RETREG1: variants seen among roughly 807,000 people sequenced by gnomAD.
RETREG1 encodes reticulophagy regulator 1, also known as family with sequence similarity 134 member B.
In RETREG1, 44 loss-of-function variants were observed where a neutral mutation model predicts 54.8. The observed-to-expected ratio is 0.80, with a 90% CI of 0.63 to 1.03. The LOEUF (loss-of-function observed/expected upper bound fraction) is 1.03. RETREG1 is among the 50% of genes least tolerant of loss of function. The probability of loss-of-function intolerance (pLI) is 0.00; values close to 1 mark genes in which losing one functional copy is unlikely to be tolerated. For missense variants in RETREG1, 554 were observed against 605.1 expected (o/e 0.92, Z 0.89); for synonymous variants, 217 against 238.5 (o/e 0.91, Z 0.83).
At chr5:16,551,645 A>G (rs193114889) in intron 3 of RETREG1, among the ~76,000 whole-genome samples, 8 of 152,318 alleles carry the variant, frequency 5.3e-5, no homozygotes, top group Admixed American at 5.2e-4. Context: ...TCATAGATGG[A>G]GACATGAGTT....
rs1251479098 is a variant in RETREG1 at position 16,477,576 on chromosome 5, G to C, written c.1000+86C>G. 4 of 1,271,488 alleles carry C rather than the reference G, an allele frequency of 3.1e-6. No individual in the cohort carries two copies. In the East Asian group the frequency reaches 9.3e-5, roughly 30 times the overall value. The allele number at this position is 1,271,488 out of a possible 1,614,324, so 78.8% of individuals were successfully genotyped here. On this transcript the variant is annotated intron_variant, in intron 8 of 8. Coordinates refer to ENST00000306320, the MANE Select transcript of RETREG1 (RefSeq NM_001034850.3). ...TACTGTGTAGATATGGTGGTAACAT[G>C]TTATTTACCCATTCAGTATTTGACA...
At chr5:16,573,608 C>G (rs530920179) in intron 1 of RETREG1, among the ~76,000 whole-genome samples, 2 of 152,186 alleles carry the variant, frequency 1.3e-5, no homozygotes, top group African/African-American at 4.8e-5. Flanking sequence ...AAGTCCAAGG[C>G]AGGCAAGGCT....
At chr5:16,608,737 C>T (rs1743262883) in intron 1 of RETREG1, among the ~76,000 whole-genome samples, 1 of 152,110 alleles carries the variant, frequency 6.6e-6, no homozygotes, top group African/African-American at 2.4e-5. Flanking sequence ...TCACAGGTAC[C>T]GACTACTCAG....
intron 1 of RETREG1, among the ~76,000 whole-genome samples, chr5:16,599,230 AT>A (rs1417532281): frequency 1.3e-5 from 2 of 152,076 alleles, no homozygotes; most frequent in East Asian, 3.9e-4. Flanking sequence ...AAATAAGTAA[AT>A]TTTTTACAAA....
At position 16,616,980 on chromosome 5, in the gene RETREG1, G is replaced by C; in HGVS notation, c.-9C>G. The C allele has an allele frequency of 2.2e-6, 3 of 1,393,520 alleles. No individual in the cohort carries two copies. The highest frequency in any genetic ancestry group is 2.8e-6 in the Non-Finnish European group (3 of 1,076,148). The allele number at this position is 1,393,520 out of a possible 1,614,324, so 86.3% of individuals were successfully genotyped here. A position where few individuals can be genotyped will look rare whatever the true frequency, so the allele number is the denominator to read the frequency against. On this transcript the variant is annotated 5_prime_UTR_variant, in exon 1 of 9. Transcript: ENST00000306320. ...GGCGCCGGGCTCGCCATCTTCAGCT[G>C]TGCTTCCAGACAGGGACGGGGCCGG...
chr5:16,603,749 CCACAT>C (rs1179373058), intron 1 of RETREG1, among the ~76,000 whole-genome samples: 3 of 151,936 alleles, frequency 2.0e-5, no homozygotes, highest in Non-Finnish European at 4.4e-5. Flanking sequence ...GGATCGCATC[CCACAT>C]CACATATTTC....
intron 3 of RETREG1, among the ~76,000 whole-genome samples, chr5:16,499,650 C>A (rs998266706): frequency 6.6e-6 from 1 of 152,190 alleles, no homozygotes; most frequent in African/African-American, 2.4e-5. Flanking sequence ...GCTAGCAAGG[C>A]GGCCATTCCT....
At chr5:16,539,979 G>A (rs1741193804) in intron 3 of RETREG1, among the ~76,000 whole-genome samples, 1 of 152,192 alleles carries the variant, frequency 6.6e-6, no homozygotes, top group South Asian at 2.1e-4. Flanking sequence ...GGATGCGCAT[G>A]TTAAAATAAT....
intron 1 of RETREG1, among the ~76,000 whole-genome samples, chr5:16,595,236 T>C (rs1000912443): frequency 1.3e-5 from 2 of 152,182 alleles, no homozygotes; most frequent in African/African-American, 4.8e-5. Context: ...TAGTCCTTGT[T>C]TTTATATTTT....
chr5:16,616,979 T>C lies in RETREG1; in HGVS notation c.-8A>G, dbSNP rs1354120976. The C allele has an allele frequency of 1.4e-6, 2 of 1,398,998 alleles. No individual in the cohort carries two copies. The highest frequency in any genetic ancestry group is 1.9e-6 in the Non-Finnish European group (2 of 1,078,568). The allele number at this position is 1,398,998 out of a possible 1,614,324, so 86.7% of individuals were successfully genotyped here. ...AGGCGCCGGGCTCGCCATCTTCAGC[T>C]GTGCTTCCAGACAGGGACGGGGCCG... On this transcript the variant is annotated 5_prime_UTR_variant, in exon 1 of 9. Transcript: ENST00000306320.
At chr5:16,615,910 C>G (rs1333627323) in intron 1 of RETREG1, 1 of 152,222 alleles carries the variant, frequency 6.6e-6, no homozygotes, top group African/African-American at 2.4e-5. Context: ...AGCGTGGTAA[C>G]GGATGACAGG....
intron 1 of RETREG1, among the ~76,000 whole-genome samples, chr5:16,572,493 G>A (rs1380424466): frequency 6.6e-6 from 1 of 152,164 alleles, no homozygotes; most frequent in Non-Finnish European, 1.5e-5. Flanking sequence ...GATTACAGGC[G>A]TGAGCCACTG....
chr5:16,505,387 G>C (rs1739909473), intron 3 of RETREG1, among the ~76,000 whole-genome samples: 1 of 152,096 alleles, frequency 6.6e-6, no homozygotes, highest in African/African-American at 2.4e-5. Flanking sequence ...CCTATTATCT[G>C]AAATACTCTT....
chr5:16,494,881 T>C (rs902523138), intron 3 of RETREG1, among the ~76,000 whole-genome samples: 2 of 152,144 alleles, frequency 1.3e-5, no homozygotes, highest in South Asian at 2.1e-4. Context: ...AGAAGACAGA[T>C]GGATGAAGGA....
intron 3 of RETREG1, among the ~76,000 whole-genome samples, chr5:16,505,689 G>A (rs548265688): frequency 9.9e-4 from 151 of 152,272 alleles, no homozygotes; most frequent in African/African-American, 3.4e-3. Flanking sequence ...CTCAGCCCAG[G>A]CTGCTTGCTG....
chr5:16,581,304 T>A (rs1160918993), intron 1 of RETREG1, among the ~76,000 whole-genome samples: 2 of 151,982 alleles, frequency 1.3e-5, no homozygotes, highest in African/African-American at 4.8e-5. Flanking sequence ...ACACTTCACT[T>A]ACAAAACACA....
intron 1 of RETREG1, among the ~76,000 whole-genome samples, chr5:16,586,666 C>T (rs1157329080): frequency 6.6e-6 from 1 of 152,208 alleles, no homozygotes; most frequent in Non-Finnish European, 1.5e-5. Flanking sequence ...AACTCTAGTT[C>T]TAGAGAATGC....
chr5:16,577,744 A>G (rs1742367967), intron 1 of RETREG1, among the ~76,000 whole-genome samples: 1 of 152,086 alleles, frequency 6.6e-6, no homozygotes, highest in Non-Finnish European at 1.5e-5. Context: ...CAATTGAATC[A>G]CAGGGGCGGT....
At chr5:16,527,242 G>A (rs1171947876) in intron 3 of RETREG1, among the ~76,000 whole-genome samples, 1 of 152,216 alleles carries the variant, frequency 6.6e-6, no homozygotes, top group African/African-American at 2.4e-5. Flanking sequence ...TTGGGGAACT[G>A]GGATTTGAAC....
Sources: gnomAD v4.1 joint callset for allele counts (sites outside exome capture counted in the v4.1 genomes callset) on GRCh38, gnomAD v4.1.1 for gene constraint, MANE v1.5 for transcripts, NCBI Gene and HGNC (gene_info 2026-07-23, HGNC 2026-07-21) for gene names.